ARSG: variants seen among roughly 807,000 people sequenced by gnomAD.
ARSG encodes the protein arylsulfatase G.
In ARSG, 37 loss-of-function variants were observed where a neutral mutation model predicts 50.5. The observed-to-expected ratio is 0.73, with a 90% confidence interval of 0.56 to 0.96. The LOEUF (loss-of-function observed/expected upper bound fraction) is 0.96, where lower values mean the gene tolerates loss of function less well. Among genes scored for constraint, ARSG ranks in the 50% least tolerant of loss-of-function variants. The pLI is 0.00. For synonymous variants in ARSG, 225 were observed against 254.6 expected (o/e 0.88, Z 1.11); for missense variants, 629 against 675.3 (o/e 0.93, Z 0.76).
At chr17:68,263,719 G>A (rs1307673198) in intron 1 of ARSG, among the ~76,000 whole-genome samples, 2 of 152,136 alleles carry the variant, frequency 1.3e-5, no homozygotes, top group Admixed American at 6.5e-5. Context: ...TGAAGTGCTG[G>A]GATTACAGGG....
chr17:68,354,524 G>A (rs574273874), intron 5 of ARSG, among the ~76,000 whole-genome samples: 67 of 152,292 alleles, frequency 4.4e-4, no homozygotes, highest in South Asian at 3.1e-3. Flanking sequence ...AGTTGCAATG[G>A]TATAATAAAA....
chr17:68,436,533 C>A, the ARSG span: 23 of 1,551,168 alleles, frequency 1.5e-5, no homozygotes, highest in South Asian at 2.3e-4. Context: ...AGAGATTGCA[C>A]GGCTGGAGAG....
At chr17:68,442,858 G>A in the ARSG span, among the ~76,000 whole-genome samples, 2 of 152,176 alleles carry the variant, frequency 1.3e-5, no homozygotes, top group Non-Finnish European at 2.9e-5. Context: ...AAGGGAACTC[G>A]TGACAACTAG....
intron 9 of ARSG, among the ~76,000 whole-genome samples, chr17:68,393,950 T>C (rs1161780674): frequency 6.6e-6 from 1 of 152,086 alleles, no homozygotes; most frequent in Non-Finnish European, 1.5e-5. Flanking sequence ...TCTATTTTTT[T>C]GTTTTTTCTT....
At chr17:68,325,204 C>T (rs1555771937) in intron 2 of ARSG, among the ~76,000 whole-genome samples, 1 of 152,120 alleles carries the variant, frequency 6.6e-6, no homozygotes, top group Non-Finnish European at 1.5e-5. Context: ...GTCAGATCAA[C>T]AGCGGCATTA....
chr17:68,443,992 T>C, the ARSG span, among the ~76,000 whole-genome samples: 407 of 152,336 alleles, frequency 2.7e-3, 1 homozygote, highest in African/African-American at 9.6e-3. Context: ...TCCCGAGAAT[T>C]CAGTAAGGTT....
At chr17:68,356,384 C>T (rs749333267) in intron 5 of ARSG, among the ~76,000 whole-genome samples, 6 of 152,120 alleles carry the variant, frequency 3.9e-5, no homozygotes, top group African/African-American at 4.8e-5. Flanking sequence ...TTTCTCTCCC[C>T]GCAAAATGCA....
the ARSG span, among the ~76,000 whole-genome samples, chr17:68,443,983 C>A: frequency 1.3e-5 from 2 of 152,112 alleles, no homozygotes; most frequent in Non-Finnish European, 1.5e-5. Context: ...AGTGTTAAAT[C>A]CCGAGAATTC....
chr17:68,314,969 A>C (rs777777324), intron 2 of ARSG, among the ~76,000 whole-genome samples: 1 of 152,196 alleles, frequency 6.6e-6, no homozygotes, highest in African/African-American at 2.4e-5. Context: ...ATTTGAATCA[A>C]CACAACAGCT....
downstream of ARSG, chr17:68,421,502 A>G: frequency 2.1e-6 from 1 of 468,284 alleles, no homozygotes; most frequent in South Asian, 3.1e-5. Flanking sequence ...TTCCGGTTAT[A>G]TACCAATATG....
chr17:68,297,794 G>A (rs1177398234), intron 1 of ARSG, among the ~76,000 whole-genome samples: 1 of 152,022 alleles, frequency 6.6e-6, no homozygotes, highest in Non-Finnish European at 1.5e-5. Context: ...TGTTAGTAAC[G>A]CTTTGGCTTG....
chr17:68,312,569 G>GCA (rs1555767157), intron 2 of ARSG, among the ~76,000 whole-genome samples: 1 of 152,036 alleles, frequency 6.6e-6, no homozygotes, highest in African/African-American at 2.4e-5. Flanking sequence ...CAGAAAGGAG[G>GCA]ACTCAGGGGT....
At chr17:68,365,804 A>G (rs1305526268) in intron 6 of ARSG, among the ~76,000 whole-genome samples, 1 of 152,194 alleles carries the variant, frequency 6.6e-6, no homozygotes, top group Non-Finnish European at 1.5e-5. Context: ...GTAGCAAGCC[A>G]TTGTGTGTTA....
At chr17:68,337,212 T>A (rs1447908297) in intron 2 of ARSG, among the ~76,000 whole-genome samples, 5 of 152,038 alleles carry the variant, frequency 3.3e-5, no homozygotes, top group African/African-American at 4.8e-5. Context: ...GATTATTGCG[T>A]TTAAGGTGCC....
At chr17:68,276,019 T>G (rs1274758079) in intron 1 of ARSG, among the ~76,000 whole-genome samples, 2 of 150,508 alleles carry the variant, frequency 1.3e-5, no homozygotes, top group Non-Finnish European at 3.0e-5. Context: ...GATACTCACT[T>G]AAAATAGAAC....
chr17:68,427,499 G>A (rs993882355), downstream of ARSG: 2 of 303,430 alleles, frequency 6.6e-6, no homozygotes, highest in Admixed American at 9.4e-5. Flanking sequence ...TGCGACTACA[G>A]GCACCCACCA....
intron 5 of ARSG, among the ~76,000 whole-genome samples, chr17:68,353,009 G>A (rs1324271917): frequency 6.6e-6 from 1 of 152,066 alleles, no homozygotes; most frequent in Non-Finnish European, 1.5e-5. Flanking sequence ...CTTGGGAAAG[G>A]TGAGTCTCAG....
chr17:68,308,275 C>G (rs1306127580), intron 2 of ARSG, among the ~76,000 whole-genome samples: 2 of 152,170 alleles, frequency 1.3e-5, no homozygotes, highest in Admixed American at 6.5e-5. Flanking sequence ...GCTGCAAACC[C>G]TCGCGGTGAG....
chr17:68,343,915 T>G, intron 3 of ARSG, 124 bp downstream of exon 3: 1 of 1,007,172 alleles, frequency 9.9e-7, no homozygotes, highest in Non-Finnish European at 1.4e-6. Context: ...TTAGGGATGC[T>G]CTCAGCTATA....
Sources: gnomAD v4.1 joint callset for allele counts (sites outside exome capture counted in the v4.1 genomes callset) on GRCh38, gnomAD v4.1.1 for gene constraint, MANE v1.5 for transcripts, NCBI Gene and HGNC (gene_info 2026-07-23, HGNC 2026-07-21) for gene names.